The following ZNF416 variants were observed in gnomAD, a reference collection of about 807,000 sequenced individuals.
ZNF416 encodes zinc finger protein 416.
A neutral mutation model predicts 10.9 loss-of-function variants in ZNF416; 5 were observed. That is an observed-to-expected ratio of 0.46 (90% CI 0.24 to 0.97). ZNF416 has a LOEUF of 0.97. Ranked by LOEUF, ZNF416 falls within the 50% of genes least tolerant of loss-of-function variation. The probability of loss-of-function intolerance (pLI) is 0.19; values close to 1 mark genes in which losing one functional copy is unlikely to be tolerated. For synonymous variants in ZNF416, 267 were observed against 251.8 expected, an observed-to-expected ratio of 1.06 and a Z score of -0.57; for missense variants, 675 against 715.0, an observed-to-expected ratio of 0.94 and a Z score of 0.64.
intron 1 of ZNF416, 71 bp downstream of exon 1, chr19:57,578,601 G>A: frequency 2.1e-6 from 3 of 1,435,846 alleles, no homozygotes; most frequent in Non-Finnish European, 1.9e-6. Flanking sequence ...GACGCAAGCA[G>A]GCGCCCCTCA....
Position 57,578,044 on chromosome 19 carries a change from A to G in ZNF416, c.75+13T>C. On this transcript the variant is annotated intron_variant, in intron 2 of 3. Coordinates refer to ENST00000196489, the MANE Select transcript of ZNF416 (RefSeq NM_017879.3). The stretch of plus-strand genomic sequence containing the variant: ...GTCAGCATCAGTGAGGGCCCGAAAC[A>G]CTCTCCACTCACCTGTGTAAAGCCC... 1 of 1,613,872 alleles carries G rather than the reference A, an allele frequency of 6.2e-7. No homozygotes were observed. Among genetic ancestry groups the G allele is most frequent in the Non-Finnish European group, 8.5e-7 (1 of 1,179,938 alleles).
At chr19:57,576,173 A>C (rs1226765164) in intron 2 of ZNF416, among the ~76,000 whole-genome samples, 2 of 152,150 alleles carry the variant, frequency 1.3e-5, no homozygotes, top group Admixed American at 1.3e-4. Context: ...TCTAGCATAT[A>C]GGGCTGGATT....
At chr19:57,576,523 A>T (rs1490858266) in intron 2 of ZNF416, among the ~76,000 whole-genome samples, 3 of 151,924 alleles carry the variant, frequency 2.0e-5, no homozygotes, top group Non-Finnish European at 4.4e-5. Flanking sequence ...CCCTTCAGAG[A>T]CCCTGCTCTG....
intron 3 of ZNF416, among the ~76,000 whole-genome samples, chr19:57,574,754 C>T (rs1379903477): frequency 6.6e-6 from 1 of 152,164 alleles, no homozygotes; most frequent in Non-Finnish European, 1.5e-5. Context: ...CCAATCTATT[C>T]TTTTGCCAAA....
At chr19:57,578,262 G>A (rs557267698) in intron 1 of ZNF416, among the ~76,000 whole-genome samples, 164 bp from the exon 2 acceptor site, 1 of 152,230 alleles carries the variant, frequency 6.6e-6, no homozygotes, top group South Asian at 2.1e-4. Context: ...GTGGGACCTT[G>A]CACAAGGACT....
In ZNF416 at chr19:57,571,950, T is replaced by C. The variant is rs1043965625; in HGVS notation, c.*169A>G. ...TGCAAAGGAGCTCCTGCAAGACACA[T>C]ATGCCTGGAACTAATGGGAGTCTGA... On this transcript the variant is annotated 3_prime_UTR_variant, in exon 4 of 4. Transcript: ENST00000196489. 10 of 797,478 alleles carry C rather than the reference T, an allele frequency of 1.3e-5. No individual in the cohort carries two copies. The highest frequency in any genetic ancestry group is 1.8e-5 in the Non-Finnish European group (9 of 503,058). 49.4% of individuals were successfully genotyped at this position (797,478 alleles called of 1,614,324 possible).
At position 57,573,025 on chromosome 19, in the gene ZNF416, A is replaced by G. The variant is rs1599907733; in HGVS notation, c.879T>C (p.Thr293=). 6.2e-7 allele frequency: 1 copy of G among 1,614,152 alleles called. No homozygotes were observed. The highest frequency in any genetic ancestry group is 8.5e-7 in the Non-Finnish European group (1 of 1,180,014). ...SHLNDHRRIH[T]GERPYVCGQC... Reference sequence around the variant, plus strand: ...GACCACACACATAAGGCCTTTCTCCAGTGTGGATTCTCCGATGATCATTCA... The same window carrying G: ...GACCACACACATAAGGCCTTTCTCCGGTGTGGATTCTCCGATGATCATTCA... The change falls in exon 4 of 4, where the codon ACT becomes ACC. Residue 293 remains threonine, a synonymous_variant. Transcript: ENST00000196489.
At chr19:57,578,009 A>G (rs775795913) in intron 2 of ZNF416, 48 bp downstream of exon 2, 2 of 1,607,092 alleles carry the variant, frequency 1.2e-6, no homozygotes, top group Non-Finnish European at 1.7e-6. Flanking sequence ...TCTCAGAGAC[A>G]AACACTGGGG....
At position 57,572,254 on chromosome 19, in the gene ZNF416, A is replaced by T; in HGVS notation, c.1650T>A (p.Tyr550Ter). The T allele has an allele frequency of 6.2e-7, 1 of 1,614,232 alleles. No homozygotes were observed. The highest frequency in any genetic ancestry group is 8.5e-7 in the Non-Finnish European group (1 of 1,180,042). ...HQVVHTGERPYECGKCGKSFT... is the reference protein window; with the variant it reads ...HQVVHTGERP Reference sequence around the variant, plus strand: ...AGGACTTCCCACATTTGCCACACTCATATGGCCTTTCTCCTGTGTGAACCA... The same window carrying T: ...AGGACTTCCCACATTTGCCACACTCTTATGGCCTTTCTCCTGTGTGAACCA... Residue 550 changes from tyrosine (Y) to a stop codon, truncating the protein, a stop_gained, in exon 4 of 4, where the codon TAT (tyrosine) becomes TAA (stop). Transcript: ENST00000196489. LOFTEE classifies it low-confidence loss of function (END_TRUNC). This position sits in a 1 kb window ranked among gnomAD's most constrained non-coding sequence, Gnocchi z 4.5.
intron 1 of ZNF416, 60 bp downstream of exon 1, chr19:57,578,612 T>A (rs571758534): frequency 1.4e-6 from 2 of 1,476,476 alleles, no homozygotes; most frequent in South Asian, 2.7e-5. Flanking sequence ...GCGCCCCTCA[T>A]GCAGGGTGTT....
Position 57,574,938 on chromosome 19 carries a change from A to G in ZNF416, c.202+866T>C, listed in dbSNP as rs77480446. Among the ~76,000 whole-genome samples the G allele has an allele frequency of 9.2e-4, 140 of 152,324 alleles. 5 individuals carry two copies. In the East Asian group the frequency reaches 0.026, roughly 29 times the overall value. ...ACTCACAACATATCGTGAGTGGGTC[A>G]GTGTTGGAAAACATGCTGGGGGGCA... On this transcript the variant is annotated intron_variant, in intron 3 of 3. Coordinates refer to ENST00000196489, the MANE Select transcript of ZNF416 (RefSeq NM_017879.3).
Position 57,572,530 on chromosome 19 carries a change from T to C in ZNF416, c.1374A>G (p.Lys458=). The C allele has an allele frequency of 6.2e-7, 1 of 1,614,096 alleles. No individual in the cohort carries two copies. The highest frequency in any genetic ancestry group is 8.5e-7 in the Non-Finnish European group (1 of 1,180,016). ...CATAAGGCCTTTCTGCAGTGTGAAC[T>C]TTGTGGTGTTTATTGAGGGTGGTTC... ...SQRTTLNKHH[K]VHTAERPYVC... Residue 458 remains lysine, a synonymous_variant, in exon 4 of 4, where the codon AAA becomes AAG. Coordinates refer to ENST00000196489, the MANE Select transcript of ZNF416 (RefSeq NM_017879.3). The surrounding 1 kb of genome is among the most constrained non-coding windows in gnomAD (Gnocchi z 4.5).
Position 57,578,717 on chromosome 19 carries a change from G to C in ZNF416, c.-13C>G, listed in dbSNP as rs746372040. ...CGGCCGCCGCCATCGGATTGTGAGC[G>C]GAGCGGGGCCGGGAGCGGCGGGCGA... On this transcript the variant is annotated 5_prime_UTR_variant, in exon 1 of 4. Coordinates refer to ENST00000196489, the MANE Select transcript of ZNF416 (RefSeq NM_017879.3). 2 of 1,503,802 alleles carry C rather than the reference G, an allele frequency of 1.3e-6. No homozygotes were observed. Among genetic ancestry groups the C allele is most frequent in the Non-Finnish European group, 8.9e-7 (1 of 1,123,642 alleles). 93.2% of individuals were successfully genotyped at this position (1,503,802 alleles called of 1,614,324 possible). A position where few individuals can be genotyped will look rare whatever the true frequency, so the allele number is the denominator to read the frequency against.
chr19:57,576,912 G>C (rs1387178712), intron 2 of ZNF416, among the ~76,000 whole-genome samples: 1 of 151,870 alleles, frequency 6.6e-6, no homozygotes, highest in Non-Finnish European at 1.5e-5. Context: ...TAGATCCTTG[G>C]CCACTTGCCA....
chr19:57,578,699 C>T lies in ZNF416; in HGVS notation c.6G>A (p.Ala2=). ...AAGTCGAATCCCTAAGCACGGCCGC[C>T]GCCATCGGATTGTGAGCGGAGCGGG... M[A]AAVLRDSTSV... is the part of the protein sequence containing the mutation. The change falls in exon 1 of 4, where the codon GCG becomes GCA. Residue 2 remains alanine, a synonymous_variant. Coordinates refer to ENST00000196489, the MANE Select transcript of ZNF416 (RefSeq NM_017879.3). 3 of 1,546,324 alleles carry T rather than the reference C, an allele frequency of 1.9e-6. No individual in the cohort carries two copies. Among genetic ancestry groups the T allele is most frequent in the Non-Finnish European group, 1.7e-6 (2 of 1,147,154 alleles).
rs941400395 is a variant in ZNF416 at position 57,578,748 on chromosome 19, G to A, written c.-44C>T. 4.2e-6 allele frequency: 6 copies of A among 1,439,352 alleles called. No homozygotes were observed. Among genetic ancestry groups the A allele is most frequent in the Admixed American group, 2.7e-5 (1 of 36,728 alleles). 89.2% of individuals were successfully genotyped at this position (1,439,352 alleles called of 1,614,324 possible). A position where few individuals can be genotyped will look rare whatever the true frequency, so the allele number is the denominator to read the frequency against. ...GGGCCGGGAGCGGCGGGCGACCCGGGGCGGGAACCCAGGCACGGCTGCCAC... is the reference window on the plus strand; with the variant it reads ...GGGCCGGGAGCGGCGGGCGACCCGGAGCGGGAACCCAGGCACGGCTGCCAC... On this transcript the variant is annotated 5_prime_UTR_variant, in exon 1 of 4. Transcript: ENST00000196489.
chr19:57,573,510 C>T lies in ZNF416; in HGVS notation c.394G>A (p.Ala132Thr). The change falls in exon 4 of 4, where the codon GCA becomes ACA. Residue 132 changes from alanine (A) to threonine (T), a missense_variant. By Grantham distance (58) the Ala-to-Thr change is moderately conservative. Coordinates refer to ENST00000196489, the MANE Select transcript of ZNF416 (RefSeq NM_017879.3). The part of the protein sequence containing the change: ...LPGQELYLTG[A>T]CAVFHQDQKH... ...TGGTCCTGGTGAAAGACCGCACATG[C>T]CCCAGTCAAGTATAGTTCCTGCCCA... The T allele has an allele frequency of 6.2e-7, 1 of 1,614,194 alleles. No homozygotes were observed.
Position 57,575,926 on chromosome 19 carries a change from C to A in ZNF416, c.80G>T (p.Cys27Phe). 1.2e-6 allele frequency: 2 copies of A among 1,613,864 alleles called. No homozygotes were observed. Among genetic ancestry groups the A allele is most frequent in the Non-Finnish European group, 1.7e-6 (2 of 1,179,842 alleles). The change falls in exon 3 of 4, where the codon TGT (cysteine) becomes TTT (phenylalanine). Residue 27 changes from cysteine to phenylalanine, a missense_variant. Coordinates refer to ENST00000196489, the MANE Select transcript of ZNF416 (RefSeq NM_017879.3). The surrounding 1 kb of genome is among the most constrained non-coding windows in gnomAD (Gnocchi z 4.4). ...AATGGCCACGTCCTCAAAGGTCACA[C>A]AGCCCTGCCATGATGGGGATAGATC... is the stretch of plus-strand genomic sequence containing the variant. The part of the protein sequence containing the change: ...EAKLMGFTQG[C>F]VTFEDVAIYF...
intron 3 of ZNF416, among the ~76,000 whole-genome samples, chr19:57,574,342 C>T (rs946584313): frequency 1.3e-5 from 2 of 152,122 alleles, no homozygotes; most frequent in Non-Finnish European, 2.9e-5. Flanking sequence ...CTGCAGAAAC[C>T]CCAATAAAGG....
Sources: allele counts gnomAD v4.1 joint callset (sites outside exome capture counted in the v4.1 genomes callset), GRCh38; gene constraint gnomAD v4.1.1; non-coding constraint Gnocchi (gnomAD v3.1); transcripts MANE v1.5; gene names NCBI Gene and HGNC (gene_info 2026-07-23, HGNC 2026-07-21).